Variants in SOX5 observed in about 807,000 individuals in gnomAD.
SOX5 encodes transcription factor SOX-5.
In SOX5, 9 loss-of-function variants were observed where a neutral mutation model predicts 92.0. The ratio of observed to expected loss-of-function variants is 0.10; its 90% CI spans 0.06 to 0.17. The LOEUF (loss-of-function observed/expected upper bound fraction) is 0.17, where lower values mean the gene tolerates loss of function less well. Ranked by LOEUF, SOX5 falls within the 10% of genes least tolerant of loss-of-function variation. SOX5 has a pLI of 1.00. For missense variants in SOX5, 642 were observed against 944.5 expected (o/e 0.68, Z 4.20); for synonymous variants, 344 against 336.3 (o/e 1.02, Z -0.25).
At chr12:24,493,617 C>A (rs1232780241) in intron 1 of SOX5, among the ~76,000 whole-genome samples, 1 of 152,150 alleles carries the variant, frequency 6.6e-6, no homozygotes, top group Non-Finnish European at 1.5e-5. Flanking sequence ...GTAATCCTAG[C>A]ACTTTGGGAG....
chr12:23,858,191 A>AATC (rs1213874770), intron 2 of SOX5, among the ~76,000 whole-genome samples: 2 of 152,132 alleles, frequency 1.3e-5, no homozygotes, highest in East Asian at 3.8e-4. Flanking sequence ...AAATAATAAT[A>AATC]ATAAATCACT....
At position 24,096,967 on chromosome 12, in the gene SOX5, G is replaced by A. The variant is rs542269733; in HGVS notation, c.-2+116376C>T. On this transcript the variant is annotated intron_variant, in intron 4 of 4. Coordinates refer to the SOX5 transcript ENST00000446891. ...GCACTGCCAACCTGTTTTCTATAGC[G>A]GTTGCACCATTTCACATTCCAACCA... 2.6e-5 allele frequency among the ~76,000 whole-genome samples: 4 copies of A among 152,160 alleles called. 1 individual carries two copies. Among genetic ancestry groups the A allele is most frequent in the East Asian group, 3.9e-4 (2 of 5,180 alleles).
intron 2 of SOX5, among the ~76,000 whole-genome samples, chr12:23,886,766 G>C (rs1183427655): frequency 1.3e-5 from 2 of 152,004 alleles, no homozygotes; most frequent in African/African-American, 4.8e-5. Flanking sequence ...AAAGATTTTA[G>C]TTAAATCAAA....
At chr12:24,243,932 A>G (rs1278973346) in intron 3 of SOX5, among the ~76,000 whole-genome samples, 1 of 152,114 alleles carries the variant, frequency 6.6e-6, no homozygotes, top group African/African-American at 2.4e-5. Context: ...GTAACCTTAC[A>G]TTACAGTTCT....
intron 3 of SOX5, among the ~76,000 whole-genome samples, chr12:24,229,035 C>T (rs2139907587): frequency 6.6e-6 from 1 of 152,316 alleles, no homozygotes; most frequent in East Asian, 1.9e-4. Context: ...CGTTTTAAAA[C>T]TTACAACAAT....
chr12:23,658,343 G>A (rs1353099998), intron 7 of SOX5, among the ~76,000 whole-genome samples: 1 of 152,048 alleles, frequency 6.6e-6, no homozygotes, highest in Non-Finnish European at 1.5e-5. Context: ...CATAATTATG[G>A]AATGTTGTAT....
At chr12:24,412,140 G>A (rs144692240) in intron 1 of SOX5, among the ~76,000 whole-genome samples, 10 of 152,156 alleles carry the variant, frequency 6.6e-5, no homozygotes, top group Admixed American at 1.3e-4. Flanking sequence ...CGATACGATC[G>A]ATAAATCGTA....
At chr12:24,329,497 T>A (rs1951062023) in intron 2 of SOX5, among the ~76,000 whole-genome samples, 1 of 152,150 alleles carries the variant, frequency 6.6e-6, no homozygotes, top group Non-Finnish European at 1.5e-5. Flanking sequence ...CTTCAACATC[T>A]GGAGATTACA....
At chr12:23,818,637 C>T (rs1008098327) in intron 3 of SOX5, among the ~76,000 whole-genome samples, 5 of 152,118 alleles carry the variant, frequency 3.3e-5, no homozygotes, top group Non-Finnish European at 7.4e-5. Flanking sequence ...AATTATTCTA[C>T]TTTATAAGCT....
At chr12:23,815,317 T>C (rs2142529616) in intron 3 of SOX5, among the ~76,000 whole-genome samples, 1 of 152,294 alleles carries the variant, frequency 6.6e-6, no homozygotes, top group African/African-American at 2.4e-5. Flanking sequence ...GACAAAATTA[T>C]CACTGAAAGC....
At chr12:24,396,007 G>T (rs542768043) in intron 1 of SOX5, among the ~76,000 whole-genome samples, 2 of 152,300 alleles carry the variant, frequency 1.3e-5, no homozygotes, top group Admixed American at 1.3e-4. Flanking sequence ...GGTTGCAATT[G>T]TTTAAGAGAG....
chr12:23,906,314 G>C (rs922922808), intron 1 of SOX5, among the ~76,000 whole-genome samples: 1 of 152,178 alleles, frequency 6.6e-6, no homozygotes, highest in African/African-American at 2.4e-5. Flanking sequence ...TTTATAGTTA[G>C]AGAATGTATA....
chr12:24,416,105 C>A (rs1229177606), intron 1 of SOX5, among the ~76,000 whole-genome samples: 1 of 152,170 alleles, frequency 6.6e-6, no homozygotes, highest in African/African-American at 2.4e-5. Flanking sequence ...ACTGAAAGGG[C>A]AAGAAGAACC....
Position 23,716,376 on chromosome 12 carries a change from T to C in SOX5, c.810+18308A>G, listed in dbSNP as rs113570007. ...TCTTATAAACACATGTCTTATTTCA[T>C]ATGTATGATAATGAAATGTGTTGTA... On this transcript the variant is annotated intron_variant, in intron 6 of 14. Coordinates refer to ENST00000451604, the MANE Select transcript of SOX5 (RefSeq NM_006940.6). Among the ~76,000 whole-genome samples, 230 of 152,302 alleles carry C rather than the reference T, an allele frequency of 1.5e-3. 1 individual carries two copies. Among genetic ancestry groups the C allele is most frequent in the African/African-American group, 5.2e-3 (218 of 41,578 alleles).
At chr12:23,548,926 T>C (rs1238110718) in intron 11 of SOX5, among the ~76,000 whole-genome samples, 1 of 151,930 alleles carries the variant, frequency 6.6e-6, no homozygotes, top group Non-Finnish European at 1.5e-5. Flanking sequence ...CTCAGCCAAA[T>C]GTTATAAAGC....
intron 4 of SOX5, among the ~76,000 whole-genome samples, chr12:24,139,771 G>A (rs976162315): frequency 6.6e-6 from 1 of 152,182 alleles, no homozygotes; most frequent in East Asian, 1.9e-4. Flanking sequence ...AGCCAATGGA[G>A]TCTCGCCTGA....
At chr12:24,079,222 C>T (rs1015780098) in intron 4 of SOX5, among the ~76,000 whole-genome samples, 2 of 150,108 alleles carry the variant, frequency 1.3e-5, no homozygotes, top group African/African-American at 4.9e-5. Flanking sequence ...TCAGAATTTA[C>T]GCAATATTTT....
chr12:23,654,549 G>C (rs2082077008), intron 7 of SOX5, among the ~76,000 whole-genome samples: 1 of 152,010 alleles, frequency 6.6e-6, no homozygotes, highest in South Asian at 2.1e-4. Flanking sequence ...ATCCAACCAA[G>C]ATGAAATTTG....
At chr12:24,366,129 T>C (rs1378034721) in intron 2 of SOX5, among the ~76,000 whole-genome samples, 1 of 152,162 alleles carries the variant, frequency 6.6e-6, no homozygotes, top group African/African-American at 2.4e-5. Context: ...CACAGATTGC[T>C]AGGAAATCCG....
Sources: allele counts gnomAD v4.1 joint callset (sites outside exome capture counted in the v4.1 genomes callset), GRCh38; gene constraint gnomAD v4.1.1; transcripts MANE v1.5; gene names NCBI Gene and HGNC (gene_info 2026-07-23, HGNC 2026-07-21).